SLIT2: variants seen among roughly 807,000 people sequenced by gnomAD.
The protein encoded by SLIT2 is slit homolog 2 protein.
A neutral mutation model predicts 185.7 loss-of-function variants in SLIT2; 41 were observed. The ratio of observed to expected loss-of-function variants is 0.22; its 90% CI spans 0.17 to 0.29. The LOEUF is 0.29. SLIT2 is among the 10% of genes least tolerant of loss of function. The pLI is 1.00. For synonymous variants in SLIT2, 693 were observed against 680.2 expected (o/e 1.02, Z -0.29); for missense variants, 1,571 against 1,909.0 (o/e 0.82, Z 3.30).
chr4:20,584,725 T>A (rs1445234907), intron 29 of SLIT2, among the ~76,000 whole-genome samples: 1 of 152,208 alleles, frequency 6.6e-6, no homozygotes, highest in Non-Finnish European at 1.5e-5. Context: ...TCTTGTCCTG[T>A]TGTGTCCCAT....
intron 4 of SLIT2, among the ~76,000 whole-genome samples, chr4:20,356,813 G>T (rs113310571): frequency 6.6e-6 from 1 of 151,992 alleles, no homozygotes; most frequent in African/African-American, 2.4e-5. Context: ...AAAGCTCTCC[G>T]GCCACTTTCC....
At chr4:20,347,534 G>C (rs1032845422) in intron 4 of SLIT2, among the ~76,000 whole-genome samples, 2 of 152,166 alleles carry the variant, frequency 1.3e-5, no homozygotes, top group Admixed American at 1.3e-4. Context: ...TTTCACCAAA[G>C]ATAAGTCAGA....
At chr4:20,289,776 A>G (rs1376610740) in intron 4 of SLIT2, among the ~76,000 whole-genome samples, 2 of 152,188 alleles carry the variant, frequency 1.3e-5, no homozygotes, top group East Asian at 3.9e-4. Context: ...TTCTGAAGAA[A>G]GGGAGAGAGG....
At chr4:20,467,540 C>T (rs1023949783) in intron 4 of SLIT2, among the ~76,000 whole-genome samples, 4 of 151,846 alleles carry the variant, frequency 2.6e-5, no homozygotes, top group African/African-American at 9.7e-5. Flanking sequence ...TAGAAGCATA[C>T]TTCAAGAAGC....
At chr4:20,512,451 G>C (rs1719841586) in intron 11 of SLIT2, among the ~76,000 whole-genome samples, 1 of 152,114 alleles carries the variant, frequency 6.6e-6, no homozygotes, top group African/African-American at 2.4e-5. Context: ...GTATCTGCTT[G>C]GGTTCACTTT....
At chr4:20,555,650 C>A (rs1264093316) in intron 26 of SLIT2, among the ~76,000 whole-genome samples, 1 of 151,982 alleles carries the variant, frequency 6.6e-6, no homozygotes, top group African/African-American at 2.4e-5. Context: ...CCTATACATA[C>A]CCTCAACGTT....
chr4:20,270,434 G>A (rs1231352429), intron 4 of SLIT2, among the ~76,000 whole-genome samples: 1 of 151,780 alleles, frequency 6.6e-6, no homozygotes, highest in African/African-American at 2.4e-5. Context: ...TTTCTTTTAT[G>A]TTTTGTTATG....
At chr4:20,573,319 G>T (rs1428652940) in intron 29 of SLIT2, 2 of 702,704 alleles carry the variant, frequency 2.8e-6, no homozygotes, top group Admixed American at 2.0e-5. Context: ...TTCTTGTAAA[G>T]TTACATAGAT....
At chr4:20,308,435 G>A (rs1398333249) in intron 4 of SLIT2, among the ~76,000 whole-genome samples, 1 of 152,178 alleles carries the variant, frequency 6.6e-6, no homozygotes, top group Non-Finnish European at 1.5e-5. Context: ...TACTGCAGTG[G>A]TAAGGTCAGA....
intron 33 of SLIT2, among the ~76,000 whole-genome samples, chr4:20,608,445 G>A (rs1728954174): frequency 6.6e-6 from 1 of 151,928 alleles, no homozygotes; most frequent in Non-Finnish European, 1.5e-5. Context: ...ATAATTTTCT[G>A]GTCTATTTTT....
At chr4:20,514,819 G>C (rs1577830540) in intron 11 of SLIT2, among the ~76,000 whole-genome samples, 1 of 151,084 alleles carries the variant, frequency 6.6e-6, no homozygotes, top group East Asian at 1.9e-4. Flanking sequence ...AAATTATAAT[G>C]TTATACTAAT....
chr4:20,553,761 G>A (rs964752767), intron 25 of SLIT2, 44 bp from the exon 26 acceptor site: 3 of 1,476,552 alleles, frequency 2.0e-6, no homozygotes, highest in Admixed American at 2.4e-5. Context: ...GTGTGTATGT[G>A]TGTGTGTGTA....
chr4:20,554,378 A>G (rs1370384576), intron 26 of SLIT2: 2 of 457,774 alleles, frequency 4.4e-6, no homozygotes, highest in African/African-American at 4.0e-5. Context: ...TTCAGCCCAA[A>G]CCTTCTGACT....
At chr4:20,294,574 G>C (rs1716287360) in intron 4 of SLIT2, among the ~76,000 whole-genome samples, 1 of 152,112 alleles carries the variant, frequency 6.6e-6, no homozygotes, top group Non-Finnish European at 1.5e-5. Context: ...GTTGTGTTTT[G>C]TGTTTAGTTT....
chr4:20,602,122 A>T (rs1728456573), intron 33 of SLIT2, among the ~76,000 whole-genome samples: 1 of 152,204 alleles, frequency 6.6e-6, no homozygotes, highest in South Asian at 2.1e-4. Context: ...GTTTCACATA[A>T]ATCAGTATGA....
At chr4:20,370,725 T>C (rs1723502724) in intron 4 of SLIT2, among the ~76,000 whole-genome samples, 1 of 152,158 alleles carries the variant, frequency 6.6e-6, no homozygotes. Flanking sequence ...GATTTGGAAG[T>C]GGACTGATCT....
Position 20,253,902 on chromosome 4 carries a change from G to A in SLIT2, c.87G>A (p.Pro29=), listed in dbSNP as rs1429152331. The A allele has an allele frequency of 2.5e-6, 4 of 1,601,754 alleles. No homozygotes were observed. The highest frequency in any genetic ancestry group is 3.4e-6 in the Non-Finnish European group (4 of 1,179,902). ...ACAAGGTGGCACCGCAGGCGTGCCC[G>A]GCGCAGTGCTCTTGCTCGGGCAGCA... The part of the protein sequence containing the change: ...ILNKVAPQAC[P]AQCSCSGSTV... The change falls in exon 1 of 37, where the codon CCG becomes CCA. Residue 29 remains proline (P), a synonymous_variant. Coordinates refer to ENST00000504154, the MANE Select transcript of SLIT2 (RefSeq NM_004787.4).
At chr4:20,456,531 G>A (rs1305133477) in intron 4 of SLIT2, among the ~76,000 whole-genome samples, 3 of 152,052 alleles carry the variant, frequency 2.0e-5, no homozygotes, top group Non-Finnish European at 4.4e-5. Flanking sequence ...TTCCATGCAT[G>A]TCATCCTGGG....
intron 5 of SLIT2, among the ~76,000 whole-genome samples, chr4:20,476,339 T>C (rs972029757): frequency 4.6e-5 from 7 of 152,114 alleles, no homozygotes; most frequent in South Asian, 2.1e-4. Context: ...TTCTTTACAA[T>C]AGTGAAAAAT....
Sources: gnomAD v4.1 joint callset for allele counts (sites outside exome capture counted in the v4.1 genomes callset) on GRCh38, gnomAD v4.1.1 for gene constraint, MANE v1.5 for transcripts, NCBI Gene and HGNC (gene_info 2026-07-23, HGNC 2026-07-21) for gene names.